The following THOC7 variants were observed in gnomAD, a reference collection of about 807,000 sequenced individuals.
THOC7 encodes THO complex subunit 7.
A neutral mutation model predicts 33.1 loss-of-function variants in THOC7; 22 were observed. That is an observed-to-expected ratio of 0.66 (90% CI 0.47 to 0.95). The LOEUF (loss-of-function observed/expected upper bound fraction) is 0.95. Ranked by LOEUF, THOC7 falls within the 40% of genes least tolerant of loss-of-function variation. The pLI, the probability that THOC7 is intolerant of heterozygous loss-of-function variation, is 0.00. For missense variants in THOC7, 184 were observed against 245.3 expected, an observed-to-expected ratio of 0.75 and a Z score of 1.67; for synonymous variants, 77 against 76.8, an observed-to-expected ratio of 1.00 and a Z score of -0.01.
chr3:63,838,350 T>C (rs1559602817), intron 3 of THOC7, 22 bp downstream of exon 3: 1 of 1,404,794 alleles, frequency 7.1e-7, no homozygotes, highest in Admixed American at 2.2e-5. Context: ...AAATTACAGA[T>C]AGAAACATTA....
At chr3:63,837,199 A>G (rs1437165648) in intron 4 of THOC7, among the ~76,000 whole-genome samples, 1 of 152,022 alleles carries the variant, frequency 6.6e-6, no homozygotes, top group Non-Finnish European at 1.5e-5. Context: ...TACATGCCCT[A>G]TGTAAAACAA....
At chr3:63,836,413 A>G (rs1315264069) in intron 4 of THOC7, 55 bp from the exon 5 acceptor site, 1 of 1,540,616 alleles carries the variant, frequency 6.5e-7, no homozygotes. Context: ...GTGAATTATC[A>G]AAACAAAATG....
intron 1 of THOC7, among the ~76,000 whole-genome samples, chr3:63,851,032 T>C (rs759582776): frequency 2.0e-5 from 3 of 152,236 alleles, no homozygotes; most frequent in Non-Finnish European, 4.4e-5. Flanking sequence ...AGACTCCTCA[T>C]CTAGTTATTT....
intron 3 of THOC7, 145 bp downstream of exon 3, chr3:63,838,227 T>C (rs1481514389): frequency 1.1e-6 from 1 of 907,712 alleles, no homozygotes; most frequent in Non-Finnish European, 1.6e-6. Context: ...AATACACATT[T>C]TTTATAGCTA....
At chr3:63,848,619 A>T (rs1701954459) in intron 1 of THOC7, 1 of 152,204 alleles carries the variant, frequency 6.6e-6, no homozygotes, top group South Asian at 2.1e-4. Flanking sequence ...TGGCAAAATA[A>T]ACTCCTAAAT....
intron 1 of THOC7, among the ~76,000 whole-genome samples, chr3:63,862,516 G>C (rs1702245112): frequency 1.3e-5 from 2 of 152,156 alleles, no homozygotes. Context: ...CCTAGTCCAG[G>C]AAGGATAAAT....
chr3:63,863,927 C>A, upstream of THOC7: 2 of 741,692 alleles, frequency 2.7e-6, no homozygotes, highest in Non-Finnish European at 3.3e-6. Context: ...GCCGCCTGCT[C>A]CGACGCCTGA....
intron 1 of THOC7, among the ~76,000 whole-genome samples, chr3:63,841,445 G>A (rs557045546): frequency 5.9e-5 from 9 of 152,162 alleles, no homozygotes; most frequent in Non-Finnish European, 1.2e-4. Flanking sequence ...AATTCCTGGA[G>A]AGCCTCCATG....
At chr3:63,863,941 GCGCCGCGCCGCGCCGCCGC>G (rs539271035), upstream of THOC7, 17,764 of 168,792 alleles carry the variant, frequency 0.11, 1,189 homozygotes, top group East Asian at 0.18. Flanking sequence ...CGCCTGAGCC[GCGCCGCGCCGCGCCGCCGC>G]CGCCGCCGCC....
At chr3:63,863,806 G>A (rs1702308597), upstream of THOC7, 1 of 1,108,454 alleles carries the variant, frequency 9.0e-7, no homozygotes, top group South Asian at 4.0e-5. Context: ...GCGCGGCGGC[G>A]GCGGCGGCGG....
intron 1 of THOC7, among the ~76,000 whole-genome samples, chr3:63,847,034 G>A (rs1335653708): frequency 6.6e-6 from 1 of 152,062 alleles, no homozygotes; most frequent in African/African-American, 2.4e-5. Context: ...ACTAGTAGGA[G>A]GGCTAGAACG....
intron 1 of THOC7, among the ~76,000 whole-genome samples, chr3:63,840,959 T>G (rs958724590): frequency 6.6e-6 from 1 of 152,212 alleles, no homozygotes; most frequent in African/African-American, 2.4e-5. Flanking sequence ...AGTGCACTCA[T>G]GCACAAAGAC....
chr3:63,837,015 G>T lies in THOC7; in HGVS notation c.353-657C>A, dbSNP rs183844621. 7.3e-4 allele frequency among the ~76,000 whole-genome samples: 110 copies of T among 151,426 alleles called. 1 individual carries two copies. In the East Asian group the frequency reaches 0.016, roughly 22 times the overall value. On this transcript the variant is annotated intron_variant, in intron 4 of 7. Coordinates refer to ENST00000295899, the MANE Select transcript of THOC7 (RefSeq NM_025075.4). Reference sequence around the variant, plus strand: ...GTTGGTATATGTTACTGTAAATAAGGCACCAAAACTTCACCATACACATTT... The same window carrying T: ...GTTGGTATATGTTACTGTAAATAAGTCACCAAAACTTCACCATACACATTT...
chr3:63,837,589 T>A (rs1341607879), intron 4 of THOC7, among the ~76,000 whole-genome samples: 1 of 152,018 alleles, frequency 6.6e-6, no homozygotes, highest in Non-Finnish European at 1.5e-5. Flanking sequence ...GGAAAGTAGC[T>A]CTATTAAACA....
At chr3:63,843,062 C>T (rs762208316) in intron 1 of THOC7, among the ~76,000 whole-genome samples, 6 of 152,006 alleles carry the variant, frequency 3.9e-5, no homozygotes, top group African/African-American at 9.7e-5. Flanking sequence ...GCTGGAATTA[C>T]AGGCATGAGC....
chr3:63,837,989 T>C lies in THOC7; in HGVS notation c.339A>G (p.Arg113=). ...CAAAACCCTTACCTTGGCGATTTTT[T>C]CGTATTCGTTTTGCTTGAAGAATTT... The part of the protein sequence containing the change: ...KKQILQAKRI[R]KNRQEYDALA... Residue 113 remains arginine, a synonymous_variant, in exon 4 of 8, where the codon CGA becomes CGG. Transcript: ENST00000295899. 4 of 1,608,218 alleles carry C rather than the reference T, an allele frequency of 2.5e-6. No homozygotes were observed. The Middle Eastern group carries it at 5.0e-4, about 200-fold the overall frequency.
chr3:63,863,485 G>T, intron 1 of THOC7: 7 of 1,171,104 alleles, frequency 6.0e-6, no homozygotes, highest in Non-Finnish European at 7.4e-6. Flanking sequence ...CCAGCCCACC[G>T]ACCACGCTCC....
At chr3:63,835,070 C>T (rs1701601653) in intron 7 of THOC7, 84 bp downstream of exon 7, 7 of 1,362,648 alleles carry the variant, frequency 5.1e-6, no homozygotes, top group Non-Finnish European at 7.2e-6. Context: ...TACTGTCTCT[C>T]CAAGATGTAT....
chr3:63,833,998 A>T lies in THOC7; in HGVS notation c.*134T>A. On this transcript the variant is annotated 3_prime_UTR_variant, in exon 8 of 8. Transcript: ENST00000295899. ...TCCTTTGTGAGAGGAAATATGAATG[A>T]AATACATTCATACTTAAAAACAGAG... 1 of 752,448 alleles carries T rather than the reference A, an allele frequency of 1.3e-6. No individual in the cohort carries two copies. The highest frequency in any genetic ancestry group is 2.1e-6 in the Non-Finnish European group (1 of 477,552). 46.6% of individuals were successfully genotyped at this position (752,448 alleles called of 1,614,324 possible).
Sources: allele counts gnomAD v4.1 joint callset (sites outside exome capture counted in the v4.1 genomes callset), GRCh38; gene constraint gnomAD v4.1.1; transcripts MANE v1.5; gene names NCBI Gene and HGNC (gene_info 2026-07-23, HGNC 2026-07-21).